The following FRMD4A variants were observed in gnomAD, a reference collection of about 807,000 sequenced individuals.
FRMD4A encodes the protein FERM domain containing 4A.
FRMD4A carries 29 observed loss-of-function variants against 129.1 expected under a neutral mutation model. The ratio of observed to expected loss-of-function variants is 0.22; its 90% CI spans 0.17 to 0.31. The LOEUF is 0.31. Among genes scored for constraint, FRMD4A ranks in the 10% least tolerant of loss-of-function variants. The probability of loss-of-function intolerance (pLI) is 1.00; values close to 1 mark genes in which losing one functional copy is unlikely to be tolerated. For missense variants in FRMD4A, 1,272 were observed against 1,375.8 expected, an observed-to-expected ratio of 0.92 and a Z score of 1.19; for synonymous variants, 634 against 571.6, an observed-to-expected ratio of 1.11 and a Z score of -1.56.
chr10:13,794,594 T>A (rs1421504693), intron 5 of FRMD4A, among the ~76,000 whole-genome samples: 2 of 152,006 alleles, frequency 1.3e-5, no homozygotes, highest in African/African-American at 2.4e-5. Context: ...AGGAAACAAG[T>A]GGAATGTGAC....
At chr10:13,898,718 A>G (rs1284574086) in intron 2 of FRMD4A, among the ~76,000 whole-genome samples, 1 of 152,146 alleles carries the variant, frequency 6.6e-6, no homozygotes, top group Non-Finnish European at 1.5e-5. Context: ...GATCTCTCCC[A>G]CTCAAGCCTT....
At chr10:14,067,265 G>C (rs540015843) in intron 2 of FRMD4A, among the ~76,000 whole-genome samples, 10 of 151,966 alleles carry the variant, frequency 6.6e-5, no homozygotes, top group Admixed American at 3.3e-4. Context: ...GCAGTGAGCC[G>C]AGACCATGCC....
intron 6 of FRMD4A, among the ~76,000 whole-genome samples, chr10:13,780,614 CA>C (rs2092709987): frequency 6.6e-6 from 1 of 152,176 alleles, no homozygotes; most frequent in South Asian, 2.1e-4. Context: ...AAACGCAAAT[CA>C]AAACCACAAT....
intron 2 of FRMD4A, among the ~76,000 whole-genome samples, chr10:13,989,609 G>A (rs1206837487): frequency 6.6e-6 from 1 of 152,182 alleles, no homozygotes. Flanking sequence ...TTAGAGGCGT[G>A]AGCCAACGCG....
At chr10:14,124,361 A>T (rs751064637) in intron 2 of FRMD4A, among the ~76,000 whole-genome samples, 2 of 152,160 alleles carry the variant, frequency 1.3e-5, no homozygotes, top group Non-Finnish European at 2.9e-5. Context: ...CATTTCACAG[A>T]TAAGCAAACT....
At chr10:14,132,237 G>A (rs1203652429) in intron 2 of FRMD4A, among the ~76,000 whole-genome samples, 2 of 152,132 alleles carry the variant, frequency 1.3e-5, no homozygotes, top group Non-Finnish European at 1.5e-5. Context: ...GCAGTGAGCC[G>A]AGATCATGCC....
chr10:14,184,910 C>CA (rs1394477170), intron 2 of FRMD4A, among the ~76,000 whole-genome samples: 1 of 152,200 alleles, frequency 6.6e-6, no homozygotes, highest in Non-Finnish European at 1.5e-5. Context: ...GGAGCACAAA[C>CA]AAACGCGACC....
chr10:14,297,664 A>G (rs1160878074), intron 2 of FRMD4A, among the ~76,000 whole-genome samples: 1 of 152,140 alleles, frequency 6.6e-6, no homozygotes, highest in Non-Finnish European at 1.5e-5. Flanking sequence ...ACTCTACGTT[A>G]ACCACTTTTT....
intron 2 of FRMD4A, among the ~76,000 whole-genome samples, chr10:14,249,033 A>G (rs1844340625): frequency 6.6e-6 from 1 of 152,186 alleles, no homozygotes; most frequent in African/African-American, 2.4e-5. Flanking sequence ...TCCCTTTTAC[A>G]GATGACAAAA....
Position 13,904,992 on chromosome 10 carries a change from C to CAAAAAA in FRMD4A, c.46-46086_46-46081dup, listed in dbSNP as rs397772526. Among the ~76,000 whole-genome samples the CAAAAAA allele has an allele frequency of 2.5e-3, 276 of 109,396 alleles. 3 individuals carry two copies. Among genetic ancestry groups the CAAAAAA allele is most frequent in the African/African-American group, 9.4e-3 (260 of 27,770 alleles). The allele number at this position is 109,396 out of a possible 152,430, so 71.8% of individuals were successfully genotyped here. A position where few individuals can be genotyped will look rare whatever the true frequency, so the allele number is the denominator to read the frequency against. On this transcript the variant is annotated intron_variant, in intron 2 of 24. Transcript: ENST00000357447. ...TGGGCGACAGAGTGAGACTCTATCT[C>CAAAAAA]AAAAAAAAAAAAAAAAAAGAAAAGA...
At chr10:14,326,954 C>T (rs1564467476) in intron 2 of FRMD4A, 2 of 398,666 alleles carry the variant, frequency 5.0e-6, no homozygotes, top group Non-Finnish European at 8.8e-6. Context: ...TCCAAGTCCC[C>T]CCTTCCGTGG....
intron 2 of FRMD4A, among the ~76,000 whole-genome samples, chr10:14,081,638 T>G (rs551247758): frequency 4.6e-5 from 7 of 152,206 alleles, no homozygotes; most frequent in Non-Finnish European, 1.0e-4. Flanking sequence ...ATCATAATAA[T>G]CCAGAGCTAT....
At chr10:13,926,742 T>C (rs1178802983) in intron 2 of FRMD4A, among the ~76,000 whole-genome samples, 1 of 152,190 alleles carries the variant, frequency 6.6e-6, no homozygotes, top group Non-Finnish European at 1.5e-5. Context: ...AAGAAAAATG[T>C]GCCCTACACG....
At chr10:14,031,177 C>T (rs1028397788) in intron 2 of FRMD4A, among the ~76,000 whole-genome samples, 8 of 152,168 alleles carry the variant, frequency 5.3e-5, no homozygotes, top group African/African-American at 1.4e-4. Context: ...GGCTTCACCA[C>T]GTGGACTTTC....
chr10:13,981,354 C>T (rs1384090673), intron 2 of FRMD4A, among the ~76,000 whole-genome samples: 1 of 152,072 alleles, frequency 6.6e-6, no homozygotes, highest in African/African-American at 2.4e-5. Flanking sequence ...AATAATGAAT[C>T]GAGAGTTTAG....
intron 2 of FRMD4A, among the ~76,000 whole-genome samples, chr10:14,127,808 C>A (rs190423322): frequency 3.3e-5 from 5 of 152,286 alleles, no homozygotes; most frequent in Non-Finnish European, 5.9e-5. Context: ...GGAATCCATC[C>A]TTCAGAAATC....
At chr10:13,838,766 T>G (rs190077608) in intron 3 of FRMD4A, among the ~76,000 whole-genome samples, 196 of 152,292 alleles carry the variant, frequency 1.3e-3, no homozygotes, top group African/African-American at 4.5e-3. Context: ...GTGCTGAGAT[T>G]ACAGGCGTGA....
intron 2 of FRMD4A, among the ~76,000 whole-genome samples, chr10:13,917,284 ATT>A (rs34360967): frequency 5.7e-5 from 8 of 141,462 alleles, no homozygotes; most frequent in Non-Finnish European, 6.1e-5. Flanking sequence ...TCCATCACAG[ATT>A]TTTTTTTTTT....
At chr10:14,099,960 TCCGTTC>T (rs1837211869) in intron 2 of FRMD4A, among the ~76,000 whole-genome samples, 1 of 152,160 alleles carries the variant, frequency 6.6e-6, no homozygotes, top group Admixed American at 6.5e-5. Context: ...ACCTTCTCCC[TCCGTTC>T]CCTGTCTGTC....
Sources: gnomAD v4.1 joint callset for allele counts (sites outside exome capture counted in the v4.1 genomes callset) on GRCh38, gnomAD v4.1.1 for gene constraint, MANE v1.5 for transcripts, NCBI Gene and HGNC (gene_info 2026-07-23, HGNC 2026-07-21) for gene names.